The following DPYD variants were observed in gnomAD, a reference collection of about 807,000 sequenced individuals.
The protein encoded by DPYD is dihydropyrimidine dehydrogenase [NADP(+)].
Under a neutral mutation model 116.2 loss-of-function variants are expected in DPYD, and 109 were observed. That is an observed-to-expected ratio of 0.94 (90% CI 0.80 to 1.10). The LOEUF is 1.10. DPYD is among the 50% of genes least tolerant of loss of function. The probability of loss-of-function intolerance (pLI) is 0.00; values close to 1 mark genes in which losing one functional copy is unlikely to be tolerated. For missense variants in DPYD, 1,302 were observed against 1,254.5 expected, an observed-to-expected ratio of 1.04 and a Z score of -0.57; for synonymous variants, 440 against 432.0, an observed-to-expected ratio of 1.02 and a Z score of -0.23.
intron 8 of DPYD, among the ~76,000 whole-genome samples, chr1:97,615,750 T>C (rs1456217619): frequency 6.6e-6 from 1 of 152,134 alleles, no homozygotes; most frequent in Non-Finnish European, 1.5e-5. Context: ...TCCCCAGTGT[T>C]TCACTCCTTA....
intron 2 of DPYD, among the ~76,000 whole-genome samples, chr1:97,857,558 T>C (rs1429689599): frequency 6.6e-6 from 1 of 152,170 alleles, no homozygotes; most frequent in Non-Finnish European, 1.5e-5. Context: ...AGAGAGCTTC[T>C]ACATAGCTGA....
rs574292560 is a variant in DPYD, at chr1:97,821,256, G to C, written c.233+6858C>G. 5.3e-5 allele frequency among the ~76,000 whole-genome samples: 8 copies of C among 151,354 alleles called. No individual in the cohort carries two copies. In the South Asian group the frequency reaches 1.7e-3, roughly 32 times the overall value. Reference sequence around the variant, plus strand: ...TGAGGCAGGAGAATCTCTTCAACCTGGGAGGCGGAAGTTGCAGTGAGCCGA... The same window carrying C: ...TGAGGCAGGAGAATCTCTTCAACCTCGGAGGCGGAAGTTGCAGTGAGCCGA... On this transcript the variant is annotated intron_variant, in intron 3 of 22. Coordinates refer to ENST00000370192, the MANE Select transcript of DPYD (RefSeq NM_000110.4).
intron 7 of DPYD, among the ~76,000 whole-genome samples, chr1:97,681,331 G>C (rs1660416228): frequency 6.6e-6 from 1 of 152,080 alleles, no homozygotes; most frequent in African/African-American, 2.4e-5. Context: ...CTACTAAAAA[G>C]GTTGTGTTTC....
intron 13 of DPYD, among the ~76,000 whole-genome samples, chr1:97,504,875 A>G (rs1442247060): frequency 7.3e-6 from 1 of 137,064 alleles, no homozygotes; most frequent in Admixed American, 7.5e-5. Context: ...AAAGGCTTCC[A>G]TTCAGGAAAG....
intron 1 of DPYD, among the ~76,000 whole-genome samples, chr1:97,910,993 G>A (rs1043740961): frequency 1.3e-5 from 2 of 151,816 alleles, no homozygotes; most frequent in Non-Finnish European, 2.9e-5. Flanking sequence ...TTAAAATGTG[G>A]AAAAATGTTT....
chr1:97,157,869 T>C (rs920771077), intron 20 of DPYD, among the ~76,000 whole-genome samples: 5 of 152,264 alleles, frequency 3.3e-5, no homozygotes, highest in African/African-American at 1.2e-4. Context: ...ATTTTCCAGA[T>C]GTGGCTTGAT....
chr1:97,891,796 G>A (rs954627397), intron 1 of DPYD, among the ~76,000 whole-genome samples: 2 of 151,810 alleles, frequency 1.3e-5, no homozygotes, highest in African/African-American at 4.8e-5. Context: ...TTCTTAACAT[G>A]TGGTATTGTT....
chr1:97,689,210 T>C (rs888675172), intron 7 of DPYD, among the ~76,000 whole-genome samples: 9 of 151,898 alleles, frequency 5.9e-5, no homozygotes, highest in African/African-American at 1.7e-4. Context: ...CAAGGACTGA[T>C]TGGCTAATAA....
At chr1:97,850,649 G>A (rs2101564276) in intron 2 of DPYD, among the ~76,000 whole-genome samples, 1 of 152,104 alleles carries the variant, frequency 6.6e-6, no homozygotes, top group East Asian at 1.9e-4. Flanking sequence ...AGGGTGCTGT[G>A]CAATCATGAC....
At chr1:97,102,100 G>A (rs1236337508) in intron 20 of DPYD, among the ~76,000 whole-genome samples, 1 of 151,886 alleles carries the variant, frequency 6.6e-6, no homozygotes, top group Non-Finnish European at 1.5e-5. Context: ...ATTTATTCAT[G>A]GATCAATCTA....
chr1:97,091,977 G>A (rs913402845), intron 21 of DPYD, among the ~76,000 whole-genome samples: 1 of 152,142 alleles, frequency 6.6e-6, no homozygotes, highest in African/African-American at 2.4e-5. Context: ...TGCACTTTCT[G>A]TTCATTCTGA....
intron 8 of DPYD, among the ~76,000 whole-genome samples, chr1:97,627,619 G>T (rs757355875): frequency 6.6e-6 from 1 of 151,946 alleles, no homozygotes; most frequent in Non-Finnish European, 1.5e-5. Flanking sequence ...ACCCACTTAT[G>T]CTATCATCTG....
At position 97,389,484 on chromosome 1, in the gene DPYD, G is replaced by A. The variant is rs576638960; in HGVS notation, c.1906-7023C>T. 3.3e-5 allele frequency among the ~76,000 whole-genome samples: 5 copies of A among 152,040 alleles called. No homozygotes were observed. In the East Asian group the frequency reaches 7.8e-4, roughly 24 times the overall value. ...TTACAAAGTTGGAACACAGATTACA[G>A]TCCCCTTTATATTACTGAAAACATG... On this transcript the variant is annotated intron_variant, in intron 14 of 22. Transcript: ENST00000370192.
chr1:97,513,695 G>A, intron 13 of DPYD, among the ~76,000 whole-genome samples: 1 of 151,808 alleles, frequency 6.6e-6, no homozygotes, highest in East Asian at 1.9e-4. Flanking sequence ...GTAAAAGGCT[G>A]TGGGGAAATA....
chr1:97,724,918 A>T (rs1051733601), intron 4 of DPYD, among the ~76,000 whole-genome samples: 2 of 144,590 alleles, frequency 1.4e-5, no homozygotes, highest in Admixed American at 7.1e-5. Flanking sequence ...ATAGAGAAGA[A>T]GAGAGAGAGA....
chr1:97,359,105 G>C (rs1422613783), intron 16 of DPYD, among the ~76,000 whole-genome samples: 1 of 152,106 alleles, frequency 6.6e-6, no homozygotes, highest in Non-Finnish European at 1.5e-5. Context: ...AAACAGTGTG[G>C]AGAAAAACTT....
chr1:97,530,214 CTTTTTT>C (rs57740723), intron 12 of DPYD, among the ~76,000 whole-genome samples: 1 of 112,698 alleles, frequency 8.9e-6, no homozygotes, highest in South Asian at 2.9e-4. Context: ...CTTTTTTTTT[CTTTTTT>C]TTTTTTTTTT....
At position 97,834,974 on chromosome 1, in the gene DPYD, T is replaced by A. The variant is rs538133721; in HGVS notation, c.151-6778A>T. 4.6e-5 allele frequency among the ~76,000 whole-genome samples: 7 copies of A among 152,204 alleles called. No individual in the cohort carries two copies. The South Asian group carries it at 6.2e-4, about 14-fold the overall frequency. Reference sequence around the variant, plus strand: ...TTTCCAGTTCTAATCAAGAGATTCATATTTCAATAGATAATTGCTTTTCCC... The same window carrying A: ...TTTCCAGTTCTAATCAAGAGATTCAAATTTCAATAGATAATTGCTTTTCCC... On this transcript the variant is annotated intron_variant, in intron 2 of 22. Coordinates refer to ENST00000370192, the MANE Select transcript of DPYD (RefSeq NM_000110.4).
rs1380828167 is a variant in DPYD, at chr1:97,847,030, A to C, written c.151-18834T>G. On this transcript the variant is annotated intron_variant, in intron 2 of 22. Transcript: ENST00000370192. Reference sequence around the variant, plus strand: ...AGCTATTCACCTTCAAATCCCACTTACACTTTGGAACTTTTACCTAAGAAT... The same window carrying C: ...AGCTATTCACCTTCAAATCCCACTTCCACTTTGGAACTTTTACCTAAGAAT... Among the ~76,000 whole-genome samples, 2 of 152,202 alleles carry C rather than the reference A, an allele frequency of 1.3e-5. 1 individual carries two copies. The highest frequency in any genetic ancestry group is 3.8e-4 in the East Asian group (2 of 5,198).
Sources: gnomAD v4.1 joint callset for allele counts (sites outside exome capture counted in the v4.1 genomes callset) on GRCh38, gnomAD v4.1.1 for gene constraint, MANE v1.5 for transcripts, NCBI Gene and HGNC (gene_info 2026-07-23, HGNC 2026-07-21) for gene names.